The following PRDM10 variants were observed in gnomAD, a reference collection of about 807,000 sequenced individuals.
PRDM10 encodes PR domain zinc finger protein 10.
Under a neutral mutation model 133.1 loss-of-function variants are expected in PRDM10, and 65 were observed. The ratio of observed to expected loss-of-function variants is 0.49; its 90% CI spans 0.40 to 0.60. The LOEUF (loss-of-function observed/expected upper bound fraction) is 0.60. Ranked by LOEUF, PRDM10 falls within the 20% of genes least tolerant of loss-of-function variation. The pLI is 0.00. For missense variants in PRDM10, 1,137 were observed against 1,507.1 expected (o/e 0.75, Z 4.07); for synonymous variants, 582 against 580.4 (o/e 1.00, Z -0.04).
rs533475005 is a variant in PRDM10, at chr11:129,958,806, AC to A, written c.70-897del. ...AAGACACAGAAAATTCTAATAAAGT[AC>A]TTTTAGGGGGTTCTGGACAACTATT... On this transcript the variant is annotated intron_variant, in intron 2 of 20. Coordinates refer to ENST00000360871, the MANE Select transcript of PRDM10 (RefSeq NM_199437.2). Among the ~76,000 whole-genome samples, 30 of 152,318 alleles carry A rather than the reference AC, an allele frequency of 2.0e-4. 1 individual carries two copies. In the South Asian group the frequency reaches 6.2e-3, roughly 32 times the overall value.
chr11:129,987,350 T>C (rs1938484961), intron 1 of PRDM10, among the ~76,000 whole-genome samples: 2 of 152,202 alleles, frequency 1.3e-5, no homozygotes, highest in African/African-American at 4.8e-5. Context: ...TCTTTTCAAT[T>C]TCATTCAAAA....
chr11:129,910,823 C>G (rs930157739), intron 18 of PRDM10, among the ~76,000 whole-genome samples, 167 bp from the exon 19 acceptor site: 2 of 152,124 alleles, frequency 1.3e-5, no homozygotes, highest in Non-Finnish European at 2.9e-5. Flanking sequence ...ATTGCCCAGG[C>G]TGGAGTGCAA....
chr11:129,996,839 T>C (rs939841622), intron 1 of PRDM10, among the ~76,000 whole-genome samples: 1 of 152,174 alleles, frequency 6.6e-6, no homozygotes, highest in South Asian at 2.1e-4. Context: ...TTTATACAAT[T>C]GTGGTGAGTG....
chr11:129,901,600 T>A lies in PRDM10; in HGVS notation c.*713A>T, dbSNP rs1540409. ...ATCAAGCAGCCTTTTCTCTTTCAGG[T>A]TGTCCACCTTTGTGAAATAATGAAG... On this transcript the variant is annotated 3_prime_UTR_variant, in exon 21 of 21. Coordinates refer to ENST00000360871, the MANE Select transcript of PRDM10 (RefSeq NM_199437.2). 26,256 of 152,200 alleles carry A rather than the reference T, an allele frequency of 0.17. 2,592 individuals carry two copies. Among genetic ancestry groups the A allele is most frequent in the African/African-American group, 0.27 (11,182 of 41,480 alleles). 9.4% of individuals were successfully genotyped at this position (152,200 alleles called of 1,614,324 possible). A position where few individuals can be genotyped will look rare whatever the true frequency, so the allele number is the denominator to read the frequency against.
chr11:129,970,411 G>A (rs1565502280), intron 1 of PRDM10, among the ~76,000 whole-genome samples: 1 of 152,258 alleles, frequency 6.6e-6, no homozygotes, highest in Non-Finnish European at 1.5e-5. Flanking sequence ...ACCTGGGCAC[G>A]AGGCCGCCTA....
At chr11:129,944,414 C>T (rs1057132073) in intron 6 of PRDM10, among the ~76,000 whole-genome samples, 2 of 151,300 alleles carry the variant, frequency 1.3e-5, no homozygotes, top group Non-Finnish European at 2.9e-5. Flanking sequence ...AACCCCGTCT[C>T]TACTAAAAAT....
At chr11:129,910,350 A>G in intron 19 of PRDM10, 126 bp downstream of exon 19, 1 of 1,279,432 alleles carries the variant, frequency 7.8e-7, no homozygotes, top group East Asian at 2.4e-5. Flanking sequence ...ATTGAAGTAC[A>G]TTCATAGAGA....
At chr11:129,970,348 C>A (rs1951992334) in intron 1 of PRDM10, among the ~76,000 whole-genome samples, 1 of 152,110 alleles carries the variant, frequency 6.6e-6, no homozygotes, top group Non-Finnish European at 1.5e-5. Flanking sequence ...CAGAAAGAGG[C>A]GAAGCGACTT....
chr11:129,905,139 G>A lies in PRDM10; in HGVS notation c.3267+499C>T, dbSNP rs534862325. Among the ~76,000 whole-genome samples the A allele has an allele frequency of 2.2e-3, 328 of 152,114 alleles. 4 individuals carry two copies. Among genetic ancestry groups the A allele is most frequent in the Non-Finnish European group, 2.7e-3 (185 of 67,986 alleles). ...AGCACTTTGGGAGGTTAAGGTGGGC[G>A]GATCATGAGGTCAGGAGATCAAGAT... is the stretch of plus-strand genomic sequence containing the variant. On this transcript the variant is annotated intron_variant, in intron 20 of 20. Transcript: ENST00000360871.
chr11:129,969,958 G>A (rs1162608792), intron 1 of PRDM10, among the ~76,000 whole-genome samples: 1 of 152,124 alleles, frequency 6.6e-6, no homozygotes. Flanking sequence ...TCTGTGTATA[G>A]AGAAAACACA....
chr11:129,959,998 C>T (rs1250090833), intron 2 of PRDM10, among the ~76,000 whole-genome samples: 7 of 150,582 alleles, frequency 4.6e-5, no homozygotes, highest in Non-Finnish European at 7.4e-5. Flanking sequence ...TGGACTGAAT[C>T]GAGCCTCCTG....
At position 129,942,633 on chromosome 11, in the gene PRDM10, C is replaced by T. The variant is rs761474617; in HGVS notation, c.763-4G>A. Reference sequence around the variant, plus strand: ...TGTCCCCTTTATCAAGAGAAACCTGCACGAAAAAAAAGCCACACCAAAAAC... The same window carrying T: ...TGTCCCCTTTATCAAGAGAAACCTGTACGAAAAAAAAGCCACACCAAAAAC... On this transcript the variant is annotated splice_region_variant and splice_polypyrimidine_tract_variant and intron_variant, in intron 6 of 20. Transcript: ENST00000360871. 8 of 1,596,502 alleles carry T rather than the reference C, an allele frequency of 5.0e-6. No individual in the cohort carries two copies. In the Admixed American group the frequency reaches 1.3e-4, roughly 25 times the overall value.
chr11:129,970,827 T>A (rs536076921), intron 1 of PRDM10, among the ~76,000 whole-genome samples: 1 of 152,298 alleles, frequency 6.6e-6, no homozygotes, highest in South Asian at 2.1e-4. Flanking sequence ...ATTACAGGCA[T>A]GAATCACGGC....
intron 11 of PRDM10, 35 bp from the exon 12 acceptor site, chr11:129,925,264 T>C (rs1190077267): frequency 1.0e-5 from 16 of 1,550,292 alleles, no homozygotes; most frequent in Middle Eastern, 3.6e-4. Flanking sequence ...CATTTAGTGA[T>C]GAAATTAAGA....
rs536057219 is a variant in PRDM10 at position 129,920,591 on chromosome 11, T to C, written c.2035-1873A>G. Among the ~76,000 whole-genome samples, 92 of 152,022 alleles carry C rather than the reference T, an allele frequency of 6.1e-4. No individual in the cohort carries two copies. The Middle Eastern group carries it at 0.01, about 17-fold the overall frequency. On this transcript the variant is annotated intron_variant, in intron 13 of 20. Coordinates refer to ENST00000360871, the MANE Select transcript of PRDM10 (RefSeq NM_199437.2). ...TTAACCCGCTTCCCTGGCTTCCTCTTGCCACACCCTCCATCAGTCCCCTTC... is the reference window on the plus strand; with the variant it reads ...TTAACCCGCTTCCCTGGCTTCCTCTCGCCACACCCTCCATCAGTCCCCTTC...
At chr11:129,909,589 A>G (rs1950122329) in intron 19 of PRDM10, among the ~76,000 whole-genome samples, 1 of 152,146 alleles carries the variant, frequency 6.6e-6, no homozygotes, top group Admixed American at 6.5e-5. Flanking sequence ...CAGTAGAAGA[A>G]AGATCAATAC....
intron 1 of PRDM10, among the ~76,000 whole-genome samples, chr11:129,996,899 T>A (rs905546980): frequency 2.6e-5 from 4 of 152,200 alleles, no homozygotes; most frequent in African/African-American, 4.8e-5. Context: ...ACTGTTATTA[T>A]CCCTAGTAAT....
chr11:129,932,037 C>T (rs751079541), intron 10 of PRDM10, 65 bp downstream of exon 10: 10 of 1,552,930 alleles, frequency 6.4e-6, no homozygotes, highest in Admixed American at 1.8e-5. Flanking sequence ...ACTTAGGTCT[C>T]GTCAGGGATC....
intron 4 of PRDM10, among the ~76,000 whole-genome samples, chr11:129,950,497 T>G (rs753889207): frequency 4.6e-5 from 7 of 152,162 alleles, no homozygotes; most frequent in Non-Finnish European, 7.4e-5. Context: ...CTGCCTCAGC[T>G]TCAATAAAAA....
Sources: gnomAD v4.1 joint callset for allele counts (sites outside exome capture counted in the v4.1 genomes callset) on GRCh38, gnomAD v4.1.1 for gene constraint, MANE v1.5 for transcripts, NCBI Gene and HGNC (gene_info 2026-07-23, HGNC 2026-07-21) for gene names.